Variants in RBFOX1 observed in about 807,000 individuals in gnomAD.
RBFOX1 encodes RNA binding fox-1 homolog 1, also known as RNA binding protein fox-1 homolog 1.
Under a neutral mutation model 57.7 loss-of-function variants are expected in RBFOX1, and 8 were observed. The observed-to-expected ratio is 0.14, with a 90% CI of 0.08 to 0.25. The LOEUF (loss-of-function observed/expected upper bound fraction) is 0.25. Among genes scored for constraint, RBFOX1 ranks in the 10% least tolerant of loss-of-function variants. The probability of loss-of-function intolerance (pLI) is 1.00; values close to 1 mark genes in which losing one functional copy is unlikely to be tolerated. For missense variants in RBFOX1, 611 were observed against 548.5 expected (o/e 1.11, Z -1.14); for synonymous variants, 326 against 222.4 (o/e 1.47, Z -4.15).
chr16:6,072,249 C>T (rs145314573), intron 1 of RBFOX1, among the ~76,000 whole-genome samples: 90 of 152,280 alleles, frequency 5.9e-4, no homozygotes, highest in African/African-American at 2.1e-3. Flanking sequence ...GATCCAATTA[C>T]CTCCCACTGC....
intron 4 of RBFOX1, among the ~76,000 whole-genome samples, chr16:5,942,736 A>G (rs1164520313): frequency 6.6e-6 from 1 of 152,212 alleles, no homozygotes; most frequent in Non-Finnish European, 1.5e-5. Context: ...TTTGTAGGTT[A>G]AAGACAAGGT....
intron 2 of RBFOX1, among the ~76,000 whole-genome samples, chr16:5,573,998 G>C (rs116008447): frequency 1.3e-5 from 2 of 152,110 alleles, no homozygotes; most frequent in Non-Finnish European, 2.9e-5. Context: ...AGTCTGTTCC[G>C]AAACCATATC....
At chr16:6,987,660 G>A (rs1015956689) in intron 3 of RBFOX1, among the ~76,000 whole-genome samples, 1 of 152,168 alleles carries the variant, frequency 6.6e-6, no homozygotes, top group Non-Finnish European at 1.5e-5. Flanking sequence ...GGCCTCCACT[G>A]ACCTGCAGTT....
At chr16:6,318,666 T>C (rs1333137982) in intron 2 of RBFOX1, among the ~76,000 whole-genome samples, 1 of 152,108 alleles carries the variant, frequency 6.6e-6, no homozygotes, top group East Asian at 1.9e-4. Context: ...CTGTGGTCCC[T>C]AAGATAATTA....
At chr16:5,957,909 A>T (rs2059677611) in intron 4 of RBFOX1, among the ~76,000 whole-genome samples, 1 of 152,090 alleles carries the variant, frequency 6.6e-6, no homozygotes, top group Non-Finnish European at 1.5e-5. Flanking sequence ...AGAAGGTCTT[A>T]TTCCTTCTTT....
In RBFOX1 at chr16:5,739,761, A is replaced by T. The variant is rs528447432; in HGVS notation, c.319-127542A>T. 2.7e-3 allele frequency among the ~76,000 whole-genome samples: 407 copies of T among 152,362 alleles called. 1 individual carries two copies. The highest frequency in any genetic ancestry group is 4.6e-3 in the Non-Finnish European group (311 of 68,034). On this transcript the variant is annotated intron_variant, in intron 3 of 19. Transcript: ENST00000641259. ...TGTGTTGTAGAAGCAGAGAGCAGGG[A>T]AAACAGGGGAGCCACTGCCCCACGT...
intron 1 of RBFOX1, among the ~76,000 whole-genome samples, chr16:6,139,243 A>G (rs1053299656): frequency 6.6e-6 from 1 of 152,132 alleles, no homozygotes; most frequent in Non-Finnish European, 1.5e-5. Context: ...TTTTCAGGCC[A>G]ACTAAGCATG....
chr16:5,632,283 A>G (rs1026713983), intron 3 of RBFOX1, among the ~76,000 whole-genome samples: 1 of 152,274 alleles, frequency 6.6e-6, no homozygotes, highest in African/African-American at 2.4e-5. Flanking sequence ...TATGGGAGTT[A>G]CACCTGCTGG....
chr16:5,531,188 T>A (rs767367819), intron 2 of RBFOX1, among the ~76,000 whole-genome samples: 2 of 151,996 alleles, frequency 1.3e-5, no homozygotes, highest in African/African-American at 2.4e-5. Flanking sequence ...TGGGATACTT[T>A]AGGGGATGCT....
chr16:5,695,367 C>G (rs1265209714), intron 3 of RBFOX1, among the ~76,000 whole-genome samples: 1 of 152,064 alleles, frequency 6.6e-6, no homozygotes, highest in Non-Finnish European at 1.5e-5. Flanking sequence ...AGAGCCACAG[C>G]AATAAGAGCA....
intron 4 of RBFOX1, among the ~76,000 whole-genome samples, chr16:7,294,287 C>A (rs1251800697): frequency 6.6e-6 from 1 of 152,102 alleles, no homozygotes; most frequent in Non-Finnish European, 1.5e-5. Flanking sequence ...CAGACTCCCA[C>A]CCTCTCAACT....
intron 2 of RBFOX1, among the ~76,000 whole-genome samples, chr16:6,487,388 G>T (rs1455966643): frequency 6.6e-6 from 1 of 151,860 alleles, no homozygotes; most frequent in Admixed American, 6.6e-5. Context: ...TATTGGGAGG[G>T]TCTCCATTTC....
At position 5,728,226 on chromosome 16, in the gene RBFOX1, G is replaced by A. The variant is rs565443287; in HGVS notation, c.318+129265G>A. On this transcript the variant is annotated intron_variant, in intron 3 of 19. Transcript: ENST00000641259. ...ACTTAAGTGTCCATTGACAGAGAACGAATACAGAAAATGCGGTGTAGATAC... is the reference window on the plus strand; with the variant it reads ...ACTTAAGTGTCCATTGACAGAGAACAAATACAGAAAATGCGGTGTAGATAC... Among the ~76,000 whole-genome samples the A allele has an allele frequency of 7.2e-5, 11 of 152,314 alleles. No homozygotes were observed. In the South Asian group the frequency reaches 1.5e-3, roughly 20 times the overall value.
At chr16:7,012,191 G>C (rs1296928740) in intron 3 of RBFOX1, among the ~76,000 whole-genome samples, 2 of 152,158 alleles carry the variant, frequency 1.3e-5, no homozygotes, top group African/African-American at 4.8e-5. Flanking sequence ...TGAATGCTGG[G>C]AGCTCTTGCG....
At chr16:6,417,555 A>G (rs1204383646) in intron 2 of RBFOX1, among the ~76,000 whole-genome samples, 2 of 150,082 alleles carry the variant, frequency 1.3e-5, no homozygotes, top group Non-Finnish European at 3.0e-5. Flanking sequence ...ATGCCTGGCT[A>G]GTTTTTATAT....
intron 3 of RBFOX1, among the ~76,000 whole-genome samples, chr16:6,972,205 T>A (rs1568158104): frequency 3.3e-5 from 5 of 152,126 alleles, no homozygotes; most frequent in Admixed American, 2.0e-4. Context: ...AGCTTTTTCA[T>A]CCTCTAAATC....
At chr16:6,009,794 G>GTGTGTGTA (rs2094949436) in intron 4 of RBFOX1, among the ~76,000 whole-genome samples, 1 of 138,308 alleles carries the variant, frequency 7.2e-6, no homozygotes, top group Non-Finnish European at 1.6e-5. Flanking sequence ...ACATGGGGCA[G>GTGTGTGTA]TGTGTGTATG....
intron 1 of RBFOX1, among the ~76,000 whole-genome samples, chr16:5,450,865 C>T (rs1232565955): frequency 6.6e-6 from 1 of 152,186 alleles, no homozygotes. Context: ...GTAACATGTC[C>T]AGGCTTTGGG....
At chr16:6,305,232 A>G (rs1181631937) in intron 1 of RBFOX1, among the ~76,000 whole-genome samples, 1 of 152,216 alleles carries the variant, frequency 6.6e-6, no homozygotes, top group Non-Finnish European at 1.5e-5. Flanking sequence ...CATTCAGACC[A>G]CAGTTCAAGT....
Sources: allele counts gnomAD v4.1 joint callset (sites outside exome capture counted in the v4.1 genomes callset), GRCh38; gene constraint gnomAD v4.1.1; transcripts MANE v1.5; gene names NCBI Gene and HGNC (gene_info 2026-07-23, HGNC 2026-07-21).